Variants in NRXN1 observed in about 807,000 individuals in gnomAD.
NRXN1 encodes the protein neurexin-1.
A neutral mutation model predicts 150.9 loss-of-function variants in NRXN1; 39 were observed. That is an observed-to-expected ratio of 0.26 (90% CI 0.20 to 0.34). The LOEUF (loss-of-function observed/expected upper bound fraction) is 0.34. Ranked by LOEUF, NRXN1 falls within the 10% of genes least tolerant of loss-of-function variation. The pLI is 1.00. For synonymous variants in NRXN1, 924 were observed against 757.0 expected (o/e 1.22, Z -3.62); for missense variants, 1,815 against 1,949.9 (o/e 0.93, Z 1.30).
At chr2:50,788,921 T>C (rs1337975461) in intron 5 of NRXN1, among the ~76,000 whole-genome samples, 1 of 152,120 alleles carries the variant, frequency 6.6e-6, no homozygotes, top group African/African-American at 2.4e-5. Flanking sequence ...AGGTGCTACC[T>C]CGTGTAACTC....
At chr2:50,001,488 G>T (rs1683918600) in intron 21 of NRXN1, among the ~76,000 whole-genome samples, 1 of 152,012 alleles carries the variant, frequency 6.6e-6, no homozygotes, top group African/African-American at 2.4e-5. Context: ...TTATCACAGT[G>T]AGCCACAGAA....
At chr2:50,451,646 A>T (rs1323573206) in intron 17 of NRXN1, among the ~76,000 whole-genome samples, 1 of 152,234 alleles carries the variant, frequency 6.6e-6, no homozygotes, top group Non-Finnish European at 1.5e-5. Context: ...AAAGAGAAGA[A>T]TGCAGATAAC....
intron 18 of NRXN1, among the ~76,000 whole-genome samples, chr2:50,124,546 G>A (rs960345561): frequency 7.2e-5 from 11 of 152,046 alleles, no homozygotes; most frequent in Non-Finnish European, 1.0e-4. Flanking sequence ...TATTACAAAT[G>A]CATACAGTTG....
chr2:50,482,358 G>T (rs1001444827), intron 15 of NRXN1, among the ~76,000 whole-genome samples: 3 of 152,128 alleles, frequency 2.0e-5, no homozygotes, highest in African/African-American at 7.2e-5. Context: ...TCATCTAATG[G>T]CTTTAAATTT....
chr2:50,367,778 G>T (rs370609601), intron 17 of NRXN1, among the ~76,000 whole-genome samples: 1 of 151,996 alleles, frequency 6.6e-6, no homozygotes, highest in South Asian at 2.1e-4. Flanking sequence ...GCACAACTTA[G>T]ACATGCTTAT....
chr2:50,357,528 G>C (rs557115175), intron 17 of NRXN1, among the ~76,000 whole-genome samples: 3 of 151,734 alleles, frequency 2.0e-5, no homozygotes, highest in African/African-American at 7.3e-5. Flanking sequence ...GGCTGATCTC[G>C]AACTCCCAAC....
chr2:50,103,743 C>T (rs1701282276), intron 18 of NRXN1, among the ~76,000 whole-genome samples: 1 of 151,956 alleles, frequency 6.6e-6, no homozygotes. Context: ...TTGAGGTCAT[C>T]CCTTCCCATT....
At chr2:50,764,610 CAG>C (rs1702181893) in intron 5 of NRXN1, among the ~76,000 whole-genome samples, 1 of 151,944 alleles carries the variant, frequency 6.6e-6, no homozygotes, top group Non-Finnish European at 1.5e-5. Flanking sequence ...GATGAGGAAA[CAG>C]AGCAGTTAAA....
At chr2:50,730,672 C>CTTTTTTTTTTTTTTTTTTTTTT (rs56042523) in intron 5 of NRXN1, among the ~76,000 whole-genome samples, 15 of 122,024 alleles carry the variant, frequency 1.2e-4, no homozygotes, top group Non-Finnish European at 2.4e-4. Flanking sequence ...TTCTTGTTTT[C>CTTTTTTTTTTTTTTTTTTTTTT]TTTTTTTTTT....
intron 17 of NRXN1, among the ~76,000 whole-genome samples, chr2:50,344,228 C>G (rs2077759265): frequency 6.6e-6 from 1 of 152,162 alleles, no homozygotes; most frequent in African/African-American, 2.4e-5. Context: ...CTCCATCCCC[C>G]ACCCTGAGAG....
At chr2:50,718,671 T>A (rs975970963) in intron 5 of NRXN1, among the ~76,000 whole-genome samples, 4 of 152,260 alleles carry the variant, frequency 2.6e-5, no homozygotes, top group Non-Finnish European at 2.9e-5. Flanking sequence ...AGTTTCCAGC[T>A]CAAAAGCTTT....
chr2:50,596,661 G>A (rs1397622347), intron 8 of NRXN1, among the ~76,000 whole-genome samples: 1 of 152,088 alleles, frequency 6.6e-6, no homozygotes, highest in Non-Finnish European at 1.5e-5. Context: ...ACTACGAAAA[G>A]CTTTGTATAT....
chr2:50,767,115 T>C (rs998918168), intron 5 of NRXN1, among the ~76,000 whole-genome samples: 24 of 152,154 alleles, frequency 1.6e-4, no homozygotes, highest in African/African-American at 5.5e-4. Flanking sequence ...GAAATTTGCT[T>C]AGGTCTTGCT....
intron 12 of NRXN1, chr2:50,526,674 T>C (rs186842793): frequency 1.3e-5 from 2 of 152,244 alleles, no homozygotes; most frequent in Non-Finnish European, 2.9e-5. Context: ...ATTCCCCAAA[T>C]AAAACAGAGG....
At chr2:51,001,236 G>GGGGT (rs1700027364) in intron 2 of NRXN1, among the ~76,000 whole-genome samples, 6 of 89,346 alleles carry the variant, frequency 6.7e-5, no homozygotes, top group African/African-American at 2.3e-4. Flanking sequence ...CATGGGGTTG[G>GGGGT]GGGGGGGGGG....
intron 17 of NRXN1, among the ~76,000 whole-genome samples, chr2:50,281,026 C>T (rs922939482): frequency 1.3e-5 from 2 of 151,570 alleles, no homozygotes; most frequent in Admixed American, 1.3e-4. Flanking sequence ...CATAATAGGC[C>T]GGGCGCGGTG....
At chr2:50,432,634 G>T (rs1293565742) in intron 17 of NRXN1, among the ~76,000 whole-genome samples, 1 of 152,096 alleles carries the variant, frequency 6.6e-6, no homozygotes, top group Non-Finnish European at 1.5e-5. Flanking sequence ...CTGATTACTT[G>T]AGACAGGAGA....
At chr2:50,231,444 TAC>T (rs1246869202) in intron 18 of NRXN1, among the ~76,000 whole-genome samples, 1 of 152,082 alleles carries the variant, frequency 6.6e-6, no homozygotes, top group Non-Finnish European at 1.5e-5. Flanking sequence ...TTACTATAAA[TAC>T]ACTGTTTCTA....
At chr2:50,074,623 G>C (rs909318922) in intron 19 of NRXN1, among the ~76,000 whole-genome samples, 5 of 152,148 alleles carry the variant, frequency 3.3e-5, no homozygotes, top group African/African-American at 1.2e-4. Flanking sequence ...ACTTGAGCTA[G>C]AATCTGGTGT....
Sources: gnomAD v4.1 joint callset for allele counts (sites outside exome capture counted in the v4.1 genomes callset) on GRCh38, gnomAD v4.1.1 for gene constraint, MANE v1.5 for transcripts, NCBI Gene and HGNC (gene_info 2026-07-23, HGNC 2026-07-21) for gene names.